The following GEMIN6 variants were observed in gnomAD, a reference collection of about 807,000 sequenced individuals.
GEMIN6 encodes the protein gem nuclear organelle associated protein 6.
In GEMIN6, 13 loss-of-function variants were observed where a neutral mutation model predicts 14.1. The observed-to-expected ratio is 0.92, with a 90% confidence interval of 0.60 to 1.46. GEMIN6 has a LOEUF of 1.46. Ranked by LOEUF, GEMIN6 falls within the 40% of genes most tolerant of loss-of-function variation. The probability of loss-of-function intolerance (pLI) is 0.00; values close to 1 mark genes in which losing one functional copy is unlikely to be tolerated. For missense variants in GEMIN6, 271 were observed against 202.4 expected, an observed-to-expected ratio of 1.34 and a Z score of -2.06; for synonymous variants, 87 against 70.0, an observed-to-expected ratio of 1.24 and a Z score of -1.21.
intron 2 of GEMIN6, 147 bp from the exon 3 acceptor site, chr2:38,781,370 C>G (rs1669081469): frequency 1.2e-6 from 1 of 846,156 alleles, no homozygotes; most frequent in African/African-American, 1.7e-5. Context: ...AAAAGTTTAC[C>G]TATTTAGGAT....
At chr2:38,779,661 TA>T (rs1208090344) in intron 2 of GEMIN6, among the ~76,000 whole-genome samples, 1,397 of 26,394 alleles carry the variant, frequency 0.053, 80 homozygotes, top group East Asian at 0.12. Context: ...TATATATATA[TA>T]TATTTTTTTT....
Position 38,779,007 on chromosome 2 carries a change from A to C in GEMIN6, c.17A>C (p.Lys6Thr), listed in dbSNP as rs762410973. 13 of 1,612,338 alleles carry C rather than the reference A, an allele frequency of 8.1e-6. No homozygotes were observed. The highest frequency in any genetic ancestry group is 4.0e-5 in the African/African-American group (3 of 74,852). Reference protein sequence around the residue: MSEWMKKGPLEWQDYI... With the variant: MSEWMTKGPLEWQDYI... ...GTGGCAATCATGAGTGAATGGATGA[A>C]GAAAGGCCCCTTAGAATGGCAAGAT... Residue 6 changes from lysine to threonine, a missense_variant, in exon 2 of 3, where the codon AAG (lysine) becomes ACG (threonine). Physicochemically the swap from Lys to Thr is moderately conservative, Grantham distance 78. Coordinates refer to ENST00000281950, the MANE Select transcript of GEMIN6 (RefSeq NM_024775.10).
rs934654472 is a variant in GEMIN6, at chr2:38,778,999, A to G, written c.9A>G (p.Glu3=). Residue 3 remains glutamate, a synonymous_variant, in exon 2 of 3, where the codon GAA becomes GAG. Coordinates refer to ENST00000281950, the MANE Select transcript of GEMIN6 (RefSeq NM_024775.10). The stretch of plus-strand genomic sequence containing the variant: ...TTAGCCAGGTGGCAATCATGAGTGA[A>G]TGGATGAAGAAAGGCCCCTTAGAAT... MS[E]WMKKGPLEWQ... is the part of the protein sequence containing the mutation. 1.2e-6 allele frequency: 2 copies of G among 1,611,152 alleles called. No homozygotes were observed. The highest frequency in any genetic ancestry group is 1.3e-5 in the African/African-American group (1 of 74,882).
chr2:38,782,185 C>A lies in GEMIN6; in HGVS notation c.*293C>A, dbSNP rs1484068856. On this transcript the variant is annotated 3_prime_UTR_variant, in exon 3 of 3. Coordinates refer to ENST00000281950, the MANE Select transcript of GEMIN6 (RefSeq NM_024775.10). ...TTTGAGATGGAGTCTCGCTCTGTTG[C>A]CAGGTTTGAGTGCAGTGGCGCAATC... 8.4e-6 allele frequency: 2 copies of A among 236,952 alleles called. No individual in the cohort carries two copies. The highest frequency in any genetic ancestry group is 2.3e-5 in the African/African-American group (1 of 43,444). The allele number at this position is 236,952 out of a possible 1,614,324, so 14.7% of individuals were successfully genotyped here.
intron 2 of GEMIN6, among the ~76,000 whole-genome samples, chr2:38,780,909 G>A (rs1299148950): frequency 6.6e-6 from 1 of 151,926 alleles, no homozygotes; most frequent in Non-Finnish European, 1.5e-5. Context: ...GATTACAGGC[G>A]TGAGCCACCA....
Position 38,782,027 on chromosome 2 carries a change from C to A in GEMIN6, c.*135C>A. 1 of 870,726 alleles carries A rather than the reference C, an allele frequency of 1.1e-6. No individual in the cohort carries two copies. The highest frequency in any genetic ancestry group is 2.6e-5 in the East Asian group (1 of 38,600). 53.9% of individuals were successfully genotyped at this position (870,726 alleles called of 1,614,324 possible). ...TAATTCTTTGTTGTTTTGGTAAAATCAGAGGAGTGGGTTATAAGTGCTAAT... is the reference window on the plus strand; with the variant it reads ...TAATTCTTTGTTGTTTTGGTAAAATAAGAGGAGTGGGTTATAAGTGCTAAT... On this transcript the variant is annotated 3_prime_UTR_variant, in exon 3 of 3. Transcript: ENST00000281950.
intron 2 of GEMIN6, among the ~76,000 whole-genome samples, chr2:38,779,960 G>A (rs1669043130): frequency 6.6e-6 from 1 of 150,540 alleles, no homozygotes; most frequent in Non-Finnish European, 1.5e-5. Flanking sequence ...TAGGATCATA[G>A]GCTTGAGCCA....
Position 38,782,195 on chromosome 2 carries a change from G to C in GEMIN6, c.*303G>C, listed in dbSNP as rs1233592414. On this transcript the variant is annotated 3_prime_UTR_variant, in exon 3 of 3. Transcript: ENST00000281950. ...AGTCTCGCTCTGTTGCCAGGTTTGA[G>C]TGCAGTGGCGCAATCTCAGCTCAGT... is the stretch of plus-strand genomic sequence containing the variant. 4.6e-6 allele frequency: 1 copy of C among 219,412 alleles called. No individual in the cohort carries two copies. Among genetic ancestry groups the C allele is most frequent in the Non-Finnish European group, 9.0e-6 (1 of 111,520 alleles). 13.6% of individuals were successfully genotyped at this position (219,412 alleles called of 1,614,324 possible). A position where few individuals can be genotyped will look rare whatever the true frequency, so the allele number is the denominator to read the frequency against.
In GEMIN6 at chr2:38,779,131, C is replaced by T. The variant is rs201171759; in HGVS notation, c.128+13C>T. On this transcript the variant is annotated intron_variant, in intron 2 of 2. Transcript: ENST00000281950. ...CAGTCTCTGCCAAGTGAGTATGCAT[C>T]CTACTTGCCTGAAATCTTGACACCC... 1.0e-4 allele frequency: 167 copies of T among 1,603,710 alleles called. No individual in the cohort carries two copies. In the Admixed American group the frequency reaches 1.3e-3, roughly 13 times the overall value.
rs1286556557 is a variant in GEMIN6 at position 38,781,929 on chromosome 2, C to T, written c.*37C>T. 1 of 1,541,636 alleles carries T rather than the reference C, an allele frequency of 6.5e-7. No homozygotes were observed. Among genetic ancestry groups the T allele is most frequent in the Non-Finnish European group, 8.8e-7 (1 of 1,142,812 alleles). ...GTGTGAACATACTGATAGAAAAAGA[C>T]TATATTTTATCCCTCATAAAATGTT... On this transcript the variant is annotated 3_prime_UTR_variant, in exon 3 of 3. Coordinates refer to ENST00000281950, the MANE Select transcript of GEMIN6 (RefSeq NM_024775.10).
chr2:38,781,528 T>G lies in GEMIN6; in HGVS notation c.140T>G (p.Val47Gly). The change falls in exon 3 of 3, where the codon GTG becomes GGG. Residue 47 changes from valine (V) to glycine (G), a missense_variant. Val to Gly is a moderately radical substitution (Grantham distance 109). Transcript: ENST00000281950. ...TDPVSANIVL[V>G]NFLEDGSMSV... ...CTTTTCCTCCAAAGTATTGTCCTTGTGAACTTCCTTGAAGATGGCAGCATG... is the reference window on the plus strand; with the variant it reads ...CTTTTCCTCCAAAGTATTGTCCTTGGGAACTTCCTTGAAGATGGCAGCATG... 1 of 1,611,042 alleles carries G rather than the reference T, an allele frequency of 6.2e-7. No homozygotes were observed. Among genetic ancestry groups the G allele is most frequent in the Non-Finnish European group, 8.5e-7 (1 of 1,178,532 alleles).
chr2:38,780,927 C>A (rs1045112008), intron 2 of GEMIN6, among the ~76,000 whole-genome samples: 31 of 151,570 alleles, frequency 2.0e-4, no homozygotes, highest in African/African-American at 7.5e-4. Flanking sequence ...CCATGCCCGG[C>A]CTAGTTATTG....
rs920775586 is a variant in GEMIN6 at position 38,784,931 on chromosome 2, G to A, written c.*3039G>A. ...TGGTTGTATTTACTGCCAGTCCTGG[G>A]CTGTAGCCAGGGCAGTCTTTGAACA... On this transcript the variant is annotated 3_prime_UTR_variant, in exon 3 of 3. Transcript: ENST00000281950. The A allele has an allele frequency of 6.6e-6, 1 of 152,192 alleles. No homozygotes were observed. The highest frequency in any genetic ancestry group is 1.5e-5 in the Non-Finnish European group (1 of 68,044). The allele number at this position is 152,192 out of a possible 1,614,324, so 9.4% of individuals were successfully genotyped here. A position where few individuals can be genotyped will look rare whatever the true frequency, so the allele number is the denominator to read the frequency against.
chr2:38,778,833 T>C, intron 1 of GEMIN6, 139 bp from the exon 2 acceptor site: 1 of 625,438 alleles, frequency 1.6e-6, no homozygotes, highest in Non-Finnish European at 2.7e-6. Context: ...CATGCATTAA[T>C]ACTTAATTGT....
chr2:38,781,795 A>G lies in GEMIN6; in HGVS notation c.407A>G (p.Asp136Gly). 6.2e-7 allele frequency: 1 copy of G among 1,614,116 alleles called. No individual in the cohort carries two copies. Among genetic ancestry groups the G allele is most frequent in the Non-Finnish European group, 8.5e-7 (1 of 1,180,008 alleles). The change falls in exon 3 of 3, where the codon GAC (aspartate) becomes GGC (glycine). Residue 136 changes from aspartate to glycine, a missense_variant. Asp to Gly is a moderately conservative substitution (Grantham distance 94). Coordinates refer to ENST00000281950, the MANE Select transcript of GEMIN6 (RefSeq NM_024775.10). ...TGTGTGGCTGGGGTCCTGACTATAGACCCACCATATGGTCCAGAAAATTGC... is the reference window on the plus strand; with the variant it reads ...TGTGTGGCTGGGGTCCTGACTATAGGCCCACCATATGGTCCAGAAAATTGC... The part of the protein sequence containing the change: ...TLCVAGVLTI[D>G]PPYGPENCSS...
chr2:38,782,119 C>A lies in GEMIN6; in HGVS notation c.*227C>A. On this transcript the variant is annotated 3_prime_UTR_variant, in exon 3 of 3. Transcript: ENST00000281950. ...ATGCATAAAATTAGCACAGGGACAT[C>A]AGAATTGTATGGGTCTTCTTTTTTC... The A allele has an allele frequency of 2.1e-6, 1 of 470,174 alleles. No homozygotes were observed. The highest frequency in any genetic ancestry group is 3.7e-6 in the Non-Finnish European group (1 of 269,648). 29.1% of individuals were successfully genotyped at this position (470,174 alleles called of 1,614,324 possible).
Position 38,781,742 on chromosome 2 carries a change from T to C in GEMIN6, c.354T>C (p.Thr118=), listed in dbSNP as rs1669092327. ...KWLEKNHIPI[T]EQGDAPRTLC... Reference sequence around the variant, plus strand: ...TTGAGAAGAACCACATCCCCATCACTGAACAGGGAGACGCTCCAAGGACTC... The same window carrying C: ...TTGAGAAGAACCACATCCCCATCACCGAACAGGGAGACGCTCCAAGGACTC... Residue 118 remains threonine (T), a synonymous_variant, in exon 3 of 3, where the codon ACT becomes ACC. Coordinates refer to ENST00000281950, the MANE Select transcript of GEMIN6 (RefSeq NM_024775.10). 2.5e-6 allele frequency: 4 copies of C among 1,614,026 alleles called. No individual in the cohort carries two copies. The South Asian group carries it at 3.3e-5, about 13-fold the overall frequency.
At chr2:38,779,842 C>A (rs549478420) in intron 2 of GEMIN6, among the ~76,000 whole-genome samples, 24 of 147,934 alleles carry the variant, frequency 1.6e-4, no homozygotes, top group African/African-American at 5.7e-4. Flanking sequence ...CCAACATGCC[C>A]CACTAATTTT....
intron 2 of GEMIN6, among the ~76,000 whole-genome samples, chr2:38,780,683 C>T (rs1669060209): frequency 1.3e-5 from 2 of 151,442 alleles, no homozygotes; most frequent in South Asian, 4.2e-4. Context: ...GGCTGGAGTT[C>T]AATGGCTCGA....
Sources: gnomAD v4.1 joint callset for allele counts (sites outside exome capture counted in the v4.1 genomes callset) on GRCh38, gnomAD v4.1.1 for gene constraint, MANE v1.5 for transcripts, NCBI Gene and HGNC (gene_info 2026-07-23, HGNC 2026-07-21) for gene names.